Variants in CREB3L4 observed in about 807,000 individuals in gnomAD.
The protein encoded by CREB3L4 is cyclic AMP-responsive element-binding protein 3-like protein 4.
A neutral mutation model predicts 37.0 loss-of-function variants in CREB3L4; 28 were observed. The ratio of observed to expected loss-of-function variants is 0.76; its 90% CI spans 0.56 to 1.04. The LOEUF is 1.04. Among genes scored for constraint, CREB3L4 ranks in the 50% least tolerant of loss-of-function variants. The pLI, the probability that CREB3L4 is intolerant of heterozygous loss-of-function variation, is 0.00. For synonymous variants in CREB3L4, 175 were observed against 192.2 expected, an observed-to-expected ratio of 0.91 and a Z score of 0.74; for missense variants, 462 against 486.0, an observed-to-expected ratio of 0.95 and a Z score of 0.46.
In CREB3L4 at chr1:153,969,007, T is replaced by A. The variant is rs1648065611; in HGVS notation, c.252T>A (p.Ser84=). The A allele has an allele frequency of 3.7e-6, 6 of 1,614,214 alleles. No individual in the cohort carries two copies. Among genetic ancestry groups the A allele is most frequent in the Non-Finnish European group, 5.1e-6 (6 of 1,180,030 alleles). The change falls in exon 3 of 10, where the codon TCT becomes TCA. Residue 84 remains serine (S), a synonymous_variant. Coordinates refer to ENST00000368607, the MANE Select transcript of CREB3L4 (RefSeq NM_001255978.2). ...ATGAGGTGTACTGCTCAGAAGCATC[T>A]CCTGGCAGTGACAGTGGCATCTCTG... ...DPNEVYCSEA[S]PGSDSGISED... is the part of the protein sequence containing the mutation.
At position 153,973,137 on chromosome 1, in the gene CREB3L4, G is replaced by A. The variant is rs1648561341; in HGVS notation, c.744-58G>A. The A allele has an allele frequency of 3.7e-6, 6 of 1,611,174 alleles. No homozygotes were observed. The African/African-American group carries it at 6.7e-5, about 18-fold the overall frequency. On this transcript the variant is annotated intron_variant, in intron 6 of 9. Coordinates refer to ENST00000368607, the MANE Select transcript of CREB3L4 (RefSeq NM_001255978.2). The stretch of plus-strand genomic sequence containing the variant: ...CATGTCTGGGCCCCTTCCTCACCAT[G>A]GGAGGCAAGGTAAGGGACTCAGGTT...
intron 7 of CREB3L4, 37 bp downstream of exon 7, chr1:153,973,300 A>G (rs777634145): frequency 6.2e-7 from 1 of 1,611,954 alleles, no homozygotes; most frequent in South Asian, 1.1e-5. Context: ...TGTGTTTTGA[A>G]GGCAGGTACA....
At position 153,968,500 on chromosome 1, in the gene CREB3L4, C is replaced by T. The variant is rs202177591; in HGVS notation, c.-4-22C>T. The stretch of plus-strand genomic sequence containing the variant: ...CCATCATTCCGTTTCTGCAACCCTC[C>T]GTCCCACACGCCTTCCTGCAGAAGC... On this transcript the variant is annotated intron_variant, in intron 1 of 9. Transcript: ENST00000368607. 2.4e-5 allele frequency: 39 copies of T among 1,606,130 alleles called. No homozygotes were observed. The South Asian group carries it at 3.5e-4, about 15-fold the overall frequency.
Position 153,974,259 on chromosome 1 carries a change from C to A in CREB3L4, c.*194C>A, listed in dbSNP as rs973485948. On this transcript the variant is annotated 3_prime_UTR_variant, in exon 10 of 10. Transcript: ENST00000368607. ...ATTTGTTTGCATATATGAGAGGGTA[C>A]CTCAAATACTTCTGTTATGTATCTG... The A allele has an allele frequency of 9.2e-6, 5 of 540,562 alleles. No homozygotes were observed. The highest frequency in any genetic ancestry group is 1.3e-5 in the Non-Finnish European group (4 of 305,000). 33.5% of individuals were successfully genotyped at this position (540,562 alleles called of 1,614,324 possible).
At chr1:153,968,464 G>A (rs913182061) in intron 1 of CREB3L4, 58 bp from the exon 2 acceptor site, 3 of 1,517,458 alleles carry the variant, frequency 2.0e-6, no homozygotes, top group South Asian at 1.2e-5. Context: ...ACTGTAGGGG[G>A]TAGTAAGCAG....
At chr1:153,971,581 C>CTTTTTTTTTTT (rs1322149098) in intron 4 of CREB3L4, among the ~76,000 whole-genome samples, 260 of 113,590 alleles carry the variant, frequency 2.3e-3, no homozygotes, top group East Asian at 3.4e-3. Flanking sequence ...TTTTCTTTTT[C>CTTTTTTTTTTT]TTTTTCTTTT....
rs767451151 is a variant in CREB3L4, at chr1:153,973,575, C to T, written c.898-45C>T. On this transcript the variant is annotated intron_variant, in intron 8 of 9. Coordinates refer to ENST00000368607, the MANE Select transcript of CREB3L4 (RefSeq NM_001255978.2). ...GATAACCCCAGCTGGCCTCCGTTCA[C>T]TCTACCCCCTGCTCCCTTCATCTGT... The T allele has an allele frequency of 2.5e-6, 4 of 1,582,902 alleles. No individual in the cohort carries two copies. In the South Asian group the frequency reaches 4.5e-5, roughly 18 times the overall value.
intron 7 of CREB3L4, 50 bp downstream of exon 7, chr1:153,973,313 A>G: frequency 6.2e-7 from 1 of 1,610,958 alleles, no homozygotes; most frequent in African/African-American, 1.3e-5. Flanking sequence ...CAGGTACAGC[A>G]CACAGGGGTG....
At chr1:153,973,748 C>T in intron 9 of CREB3L4, 32 bp downstream of exon 9, 1 of 1,568,316 alleles carries the variant, frequency 6.4e-7, no homozygotes, top group Non-Finnish European at 8.7e-7. Context: ...CAACCCCTGG[C>T]TGAGCAAGGG....
chr1:153,968,894 T>G, intron 2 of CREB3L4, 36 bp from the exon 3 acceptor site: 1 of 1,561,126 alleles, frequency 6.4e-7, no homozygotes, highest in Non-Finnish European at 8.7e-7. Context: ...TCCAAAATTC[T>G]TCCCTGCACA....
chr1:153,969,482 C>T (rs1648133061), intron 4 of CREB3L4, 27 bp downstream of exon 4: 1 of 1,612,436 alleles, frequency 6.2e-7, no homozygotes. Context: ...GCCAGAACCA[C>T]TACTCCTTGA....
rs751065604 is a variant in CREB3L4, at chr1:153,973,010, C to A, written c.675C>A (p.Ile225=). Residue 225 remains isoleucine, a synonymous_variant, in exon 6 of 10, where the codon ATC becomes ATA. Coordinates refer to ENST00000368607, the MANE Select transcript of CREB3L4 (RefSeq NM_001255978.2). ...ERVLKKVRRK[I]RNKQSAQDSR... is the part of the protein sequence containing the mutation. ...TCCTCAAGAAGGTCAGGAGGAAAAT[C>A]CGTAACAAGCAGTCAGCTCAGGACA... 6.2e-7 allele frequency: 1 copy of A among 1,614,160 alleles called. No homozygotes were observed. The highest frequency in any genetic ancestry group is 8.5e-7 in the Non-Finnish European group (1 of 1,180,038).
chr1:153,968,147 A>G lies in CREB3L4; in HGVS notation c.-22A>G, dbSNP rs1415129549. ...CCCTACTCCCAGATACAGCGGCCCT[A>G]CCGTGGCTCCTGGCAAGGTGGCATC... On this transcript the variant is annotated 5_prime_UTR_variant, in exon 1 of 10. Coordinates refer to ENST00000368607, the MANE Select transcript of CREB3L4 (RefSeq NM_001255978.2). The G allele has an allele frequency of 6.0e-6, 1 of 167,566 alleles. No homozygotes were observed. Among genetic ancestry groups the G allele is most frequent in the East Asian group, 1.7e-4 (1 of 5,822 alleles). The allele number at this position is 167,566 out of a possible 1,614,324, so 10.4% of individuals were successfully genotyped here.
chr1:153,971,456 A>T (rs1175981964), intron 4 of CREB3L4, among the ~76,000 whole-genome samples: 1 of 151,964 alleles, frequency 6.6e-6, no homozygotes, highest in Non-Finnish European at 1.5e-5. Flanking sequence ...TTTATTGTAG[A>T]GACAGTCTCA....
intron 7 of CREB3L4, 48 bp from the exon 8 acceptor site, chr1:153,973,332 G>A (rs778786699): frequency 1.2e-6 from 2 of 1,611,036 alleles, no homozygotes; most frequent in South Asian, 1.1e-5. Flanking sequence ...TGCCATTCTT[G>A]GCCCCTGGTA....
In CREB3L4 at chr1:153,973,390, G is replaced by A. The variant is rs773599804; in HGVS notation, c.823G>A (p.Ala275Thr). ...TTCCTCCTTTCCCAGCTCCTTGGTA[G>A]CTCAGCTCCGCCAGCTGCAGACGCT... Reference protein sequence around the residue: ...ELERHNISLVAQLRQLQTLIA... With the variant: ...ELERHNISLVTQLRQLQTLIA... The change falls in exon 8 of 10, where the codon GCT (alanine) becomes ACT (threonine). Residue 275 changes from alanine to threonine, a missense_variant. Coordinates refer to ENST00000368607, the MANE Select transcript of CREB3L4 (RefSeq NM_001255978.2). The A allele has an allele frequency of 1.9e-6, 3 of 1,613,984 alleles. No homozygotes were observed. Among genetic ancestry groups the A allele is most frequent in the Admixed American group, 1.7e-5 (1 of 59,998 alleles).
chr1:153,971,587 CTTTTTTTTT>C (rs55930906), intron 4 of CREB3L4, among the ~76,000 whole-genome samples: 1 of 107,514 alleles, frequency 9.3e-6, no homozygotes, highest in East Asian at 2.9e-4. Context: ...TTTTCTTTTT[CTTTTTTTTT>C]TTTTTTTTTT....
intron 4 of CREB3L4, among the ~76,000 whole-genome samples, chr1:153,970,101 G>C (rs1648212347): frequency 6.6e-6 from 1 of 151,734 alleles, no homozygotes; most frequent in South Asian, 2.1e-4. Context: ...GCTAATTTTT[G>C]TATTTTTAGT....
At chr1:153,970,524 G>A (rs2102165514) in intron 4 of CREB3L4, among the ~76,000 whole-genome samples, 1 of 152,292 alleles carries the variant, frequency 6.6e-6, no homozygotes, top group East Asian at 1.9e-4. Context: ...ACTGGCTAGT[G>A]CTACAGTGTA....
Sources: allele counts gnomAD v4.1 joint callset (sites outside exome capture counted in the v4.1 genomes callset), GRCh38; gene constraint gnomAD v4.1.1; transcripts MANE v1.5; gene names NCBI Gene and HGNC (gene_info 2026-07-23, HGNC 2026-07-21).